The following EXOC4 variants were observed in gnomAD, a reference collection of about 807,000 sequenced individuals.
EXOC4 encodes the protein exocyst complex component 4, also known as SEC8-like 1.
EXOC4 carries 71 observed loss-of-function variants against 107.2 expected under a neutral mutation model. That is an observed-to-expected ratio of 0.66 (90% CI 0.55 to 0.81). EXOC4 has a LOEUF of 0.81. Ranked by LOEUF, EXOC4 falls within the 30% of genes least tolerant of loss-of-function variation. EXOC4 has a pLI of 0.00. For synonymous variants in EXOC4, 456 were observed against 441.2 expected (o/e 1.03, Z -0.42); for missense variants, 1,108 against 1,189.6 (o/e 0.93, Z 1.01).
At chr7:133,338,599 C>CAAAAA (rs35420911) in intron 5 of EXOC4, among the ~76,000 whole-genome samples, 4 of 79,712 alleles carry the variant, frequency 5.0e-5, no homozygotes, top group Admixed American at 3.8e-4. Flanking sequence ...GACTCCGTCT[C>CAAAAA]AAAAAAAAAA....
chr7:133,547,239 A>G (rs1386631592), intron 9 of EXOC4, among the ~76,000 whole-genome samples: 1 of 152,184 alleles, frequency 6.6e-6, no homozygotes, highest in East Asian at 1.9e-4. Flanking sequence ...TAGTTTGTAA[A>G]GTGTGTGATA....
At chr7:133,887,192 C>T (rs967188690) in intron 11 of EXOC4, among the ~76,000 whole-genome samples, 12 of 152,168 alleles carry the variant, frequency 7.9e-5, no homozygotes, top group Non-Finnish European at 1.5e-4. Flanking sequence ...GCACAATTCT[C>T]GTCAGCTGAA....
intron 13 of EXOC4, among the ~76,000 whole-genome samples, chr7:133,925,074 A>G (rs1344651581): frequency 6.6e-6 from 1 of 152,252 alleles, no homozygotes; most frequent in Non-Finnish European, 1.5e-5. Flanking sequence ...AGAGTACCAT[A>G]GAATATGGCA....
chr7:133,793,729 C>T (rs1336752348), intron 10 of EXOC4, among the ~76,000 whole-genome samples: 1 of 152,084 alleles, frequency 6.6e-6, no homozygotes, highest in East Asian at 1.9e-4. Flanking sequence ...CCTGTAATCC[C>T]AGCTACCCAG....
rs1796147582 is a variant in EXOC4, at chr7:134,064,795, T to C, written c.*267T>C. 1 of 248,504 alleles carries C rather than the reference T, an allele frequency of 4.0e-6. No homozygotes were observed. 15.4% of individuals were successfully genotyped at this position (248,504 alleles called of 1,614,324 possible). A position where few individuals can be genotyped will look rare whatever the true frequency, so the allele number is the denominator to read the frequency against. On this transcript the variant is annotated 3_prime_UTR_variant, in exon 18 of 18. Transcript: ENST00000253861. ...GGATAGGGAGGAAGGTGGTATCAAA[T>C]TGTTGGACTCTGAAAAACAAGTGGA... is the stretch of plus-strand genomic sequence containing the variant.
chr7:133,291,679 G>A (rs917199628), intron 3 of EXOC4, among the ~76,000 whole-genome samples: 21 of 152,078 alleles, frequency 1.4e-4, no homozygotes, highest in Non-Finnish European at 2.1e-4. Context: ...TACTCTGCCC[G>A]GCCTGTTATG....
intron 12 of EXOC4, among the ~76,000 whole-genome samples, chr7:133,900,580 G>C (rs2116550314): frequency 6.6e-6 from 1 of 152,270 alleles, no homozygotes; most frequent in East Asian, 1.9e-4. Context: ...GTGCACACCT[G>C]TGCTTTAGGG....
chr7:134,037,325 G>A (rs1228357572), intron 17 of EXOC4, among the ~76,000 whole-genome samples: 1 of 152,212 alleles, frequency 6.6e-6, no homozygotes, highest in Non-Finnish European at 1.5e-5. Flanking sequence ...CACAGAAGGA[G>A]ACCAGGGTGA....
chr7:133,877,000 T>C (rs549977683), intron 11 of EXOC4, among the ~76,000 whole-genome samples: 2 of 152,304 alleles, frequency 1.3e-5, no homozygotes, highest in South Asian at 2.1e-4. Flanking sequence ...CCACTATATC[T>C]TTTTATATTT....
At chr7:133,379,014 T>A (rs1264119430) in intron 7 of EXOC4, among the ~76,000 whole-genome samples, 2 of 152,152 alleles carry the variant, frequency 1.3e-5, no homozygotes, top group Non-Finnish European at 2.9e-5. Context: ...TAAAAATTTT[T>A]AAATAATTTT....
At chr7:133,962,096 G>A (rs768090375) in intron 14 of EXOC4, among the ~76,000 whole-genome samples, 8 of 152,126 alleles carry the variant, frequency 5.3e-5, no homozygotes, top group African/African-American at 7.2e-5. Flanking sequence ...TGAGAAAACC[G>A]AGCCAGGATG....
intron 9 of EXOC4, among the ~76,000 whole-genome samples, chr7:133,607,943 A>G (rs4731968): frequency 0.15 from 22,220 of 152,226 alleles, 2,028 homozygotes; most frequent in Non-Finnish European, 0.2. Flanking sequence ...GAGCAAGCCA[A>G]AATTGCTATC....
chr7:133,367,277 A>G (rs1796268486), intron 6 of EXOC4, among the ~76,000 whole-genome samples: 1 of 152,140 alleles, frequency 6.6e-6, no homozygotes, highest in African/African-American at 2.4e-5. Context: ...CATTTAAGGA[A>G]CAGGCTGAGG....
chr7:133,639,514 ATGC>A (rs1249519020), intron 10 of EXOC4, among the ~76,000 whole-genome samples: 5 of 152,140 alleles, frequency 3.3e-5, no homozygotes, highest in Non-Finnish European at 5.9e-5. Context: ...AAAATAAGCA[ATGC>A]TATTTTCTCA....
At chr7:133,566,206 G>T (rs866432832) in intron 9 of EXOC4, among the ~76,000 whole-genome samples, 1 of 152,124 alleles carries the variant, frequency 6.6e-6, no homozygotes, top group African/African-American at 2.4e-5. Context: ...TATTTTTGGG[G>T]TTAGGAATGA....
chr7:134,021,722 G>GAAAAAAAAAAA (rs60762484), intron 17 of EXOC4, among the ~76,000 whole-genome samples: 5 of 53,746 alleles, frequency 9.3e-5, no homozygotes, highest in Admixed American at 2.2e-4. Flanking sequence ...AGTCAAACCA[G>GAAAAAAAAAAA]AAAAAAAAAA....
At chr7:133,295,120 A>C (rs1271653310) in intron 3 of EXOC4, among the ~76,000 whole-genome samples, 1 of 152,104 alleles carries the variant, frequency 6.6e-6, no homozygotes, top group East Asian at 1.9e-4. Context: ...CCATGTTATA[A>C]TCTCAAAAAC....
At chr7:133,650,443 C>G (rs1269995024) in intron 10 of EXOC4, among the ~76,000 whole-genome samples, 3 of 152,014 alleles carry the variant, frequency 2.0e-5, no homozygotes, top group African/African-American at 7.2e-5. Flanking sequence ...GAAAATTATG[C>G]CCTTTTAAGA....
chr7:134,007,863 T>C, intron 17 of EXOC4, 28 bp downstream of exon 17: 6 of 1,596,132 alleles, frequency 3.8e-6, no homozygotes, highest in Non-Finnish European at 5.1e-6. Flanking sequence ...GTTTAGTTTC[T>C]TATGCCAAAG....
Sources: gnomAD v4.1 joint callset for allele counts (sites outside exome capture counted in the v4.1 genomes callset) on GRCh38, gnomAD v4.1.1 for gene constraint, MANE v1.5 for transcripts, NCBI Gene and HGNC (gene_info 2026-07-23, HGNC 2026-07-21) for gene names.